Variants in BEND2 observed in about 807,000 individuals in gnomAD.
BEND2 encodes the protein BEN domain-containing protein 2.
Under a neutral mutation model 43.8 loss-of-function variants are expected in BEND2, and 19 were observed. The ratio of observed to expected loss-of-function variants is 0.43; its 90% CI spans 0.30 to 0.64. BEND2 has a LOEUF of 0.64. Ranked by LOEUF, BEND2 falls within the 30% of genes least tolerant of loss-of-function variation. The probability of loss-of-function intolerance (pLI) is 0.11; values close to 1 mark genes in which losing one functional copy is unlikely to be tolerated. For synonymous variants in BEND2, 226 were observed against 210.1 expected, an observed-to-expected ratio of 1.08 and a Z score of -0.66; for missense variants, 544 against 574.0, an observed-to-expected ratio of 0.95 and a Z score of 0.53.
intron 6 of BEND2, among the ~76,000 whole-genome samples, chrX:18,198,265 A>C (rs1433970020): frequency 9.1e-6 from 1 of 110,292 alleles, no homozygotes; most frequent in Non-Finnish European, 1.9e-5. Context: ...GTGAACAGGC[A>C]ACCTACAGAA....
intron 6 of BEND2, among the ~76,000 whole-genome samples, 199 bp downstream of exon 6, chrX:18,201,616 G>C (rs1042583582): frequency 1.9e-5 from 2 of 106,918 alleles, no homozygotes; most frequent in African/African-American, 6.8e-5. Context: ...CTCGGCCTCC[G>C]GAGTAGCTGG....
intron 5 of BEND2, among the ~76,000 whole-genome samples, chrX:18,202,637 A>G (rs1388225594): frequency 8.9e-6 from 1 of 112,108 alleles, no homozygotes; most frequent in Non-Finnish European, 1.9e-5. Flanking sequence ...GTGAGAAACT[A>G]CATTTCTGTT....
At chrX:18,165,360 C>T (rs1468403565) in intron 13 of BEND2, 137 bp from the exon 14 acceptor site, 1 of 495,853 alleles carries the variant, frequency 2.0e-6, no homozygotes, top group Non-Finnish European at 3.4e-6. Context: ...AGGCTATAAT[C>T]ATTATTAAAT....
intron 4 of BEND2, 87 bp from the exon 5 acceptor site, chrX:18,204,002 T>C: frequency 1.1e-6 from 1 of 916,642 alleles, no homozygotes; most frequent in Non-Finnish European, 1.5e-6. Flanking sequence ...CAATCAAAAC[T>C]TTTTTGTGTA....
At position 18,198,036 on chromosome X, in the gene BEND2, T is replaced by C. The variant is rs145730613; in HGVS notation, c.1034-2594A>G. On this transcript the variant is annotated intron_variant, in intron 6 of 13. Transcript: ENST00000380033. The stretch of plus-strand genomic sequence containing the variant: ...GAAACTGGATCCCTTCCTTACACCT[T>C]ATACAAAAATTAATTCAAGATGGCG... Among the ~76,000 whole-genome samples, 948 of 111,723 alleles carry C rather than the reference T, an allele frequency of 8.5e-3. 10 individuals carry two copies. The highest frequency in any genetic ancestry group is 0.028 in the African/African-American group (871 of 30,786).
chrX:18,201,537 G>C (rs1397026941), intron 6 of BEND2, among the ~76,000 whole-genome samples: 1 of 108,005 alleles, frequency 9.3e-6, no homozygotes, highest in Non-Finnish European at 1.9e-5. Flanking sequence ...TTGTTGCCCA[G>C]GCTGGAGTTA....
chrX:18,191,709 T>C (rs1461046975), intron 7 of BEND2, among the ~76,000 whole-genome samples: 1 of 111,634 alleles, frequency 9.0e-6, no homozygotes, highest in Non-Finnish European at 1.9e-5. Flanking sequence ...GAAGGAACCA[T>C]TTGGGGGCTT....
intron 6 of BEND2, among the ~76,000 whole-genome samples, chrX:18,197,880 C>T (rs1440745695): frequency 9.0e-6 from 1 of 111,021 alleles, no homozygotes; most frequent in African/African-American, 3.3e-5. Context: ...CCATGCTATT[C>T]TTGTGATAGT....
intron 7 of BEND2, among the ~76,000 whole-genome samples, chrX:18,193,090 G>T (rs1030968798): frequency 8.9e-6 from 1 of 112,188 alleles, no homozygotes; most frequent in Non-Finnish European, 1.9e-5. Context: ...GCCGAAGTGG[G>T]CAGATCACTT....
Position 18,212,180 on chromosome X carries a change from C to T in BEND2, c.492+385G>A, listed in dbSNP as rs186381451. On this transcript the variant is annotated intron_variant, in intron 4 of 13. Transcript: ENST00000380033. ...CGCAATCTCGGCTCACTGCAACCTC[C>T]GCCTCCGGGGTTCAAGCGATTCTCC... Among the ~76,000 whole-genome samples the T allele has an allele frequency of 4.1e-3, 436 of 106,081 alleles. 6 individuals are homozygous for T. Among genetic ancestry groups the T allele is most frequent in the African/African-American group, 0.014 (402 of 28,950 alleles). The allele number at this position is 106,081 out of a possible 115,157, so 92.1% of individuals were successfully genotyped here.
At chrX:18,218,090 G>A (rs943569748) in intron 1 of BEND2, among the ~76,000 whole-genome samples, 1 of 109,751 alleles carries the variant, frequency 9.1e-6, no homozygotes, top group African/African-American at 3.3e-5. Context: ...GCGACAAAAC[G>A]AGACCCTGTC....
chrX:18,171,557 T>TCAAACTTCCCC (rs1382089811), intron 12 of BEND2, among the ~76,000 whole-genome samples: 1 of 111,290 alleles, frequency 9.0e-6, no homozygotes, highest in Non-Finnish European at 1.9e-5. Flanking sequence ...TTCCCCAGGC[T>TCAAACTTCCCC]GGTCTCAAAC....
intron 10 of BEND2, 24 bp from the exon 11 acceptor site, chrX:18,176,117 C>T (rs372739069): frequency 1.5e-4 from 176 of 1,157,880 alleles, no homozygotes; most frequent in Admixed American, 4.7e-4. Flanking sequence ...AAAGTATTCA[C>T]GAAAATTAGA....
At chrX:18,182,650 T>C (rs1924424636) in intron 8 of BEND2, among the ~76,000 whole-genome samples, 1 of 111,092 alleles carries the variant, frequency 9.0e-6, no homozygotes, top group African/African-American at 3.3e-5. Context: ...TGTCTCAAAA[T>C]ACATAAAGCA....
At chrX:18,176,184 G>A in intron 10 of BEND2, 91 bp from the exon 11 acceptor site, 1 of 828,611 alleles carries the variant, frequency 1.2e-6, no homozygotes, top group East Asian at 3.5e-5. Context: ...ACTTTTAGAT[G>A]GTTACATTGT....
chrX:18,178,784 A>G (rs952487921), intron 9 of BEND2, among the ~76,000 whole-genome samples: 1 of 111,231 alleles, frequency 9.0e-6, no homozygotes, highest in African/African-American at 3.3e-5. Context: ...ATAAACTAGT[A>G]TTTAGGTTAG....
intron 4 of BEND2, among the ~76,000 whole-genome samples, chrX:18,209,734 G>A (rs1925449251): frequency 9.0e-6 from 1 of 111,075 alleles, no homozygotes; most frequent in African/African-American, 3.3e-5. Context: ...ACTAGAAGAG[G>A]CTAAGGAGAC....
At chrX:18,219,965 A>T (rs181719193) in intron 1 of BEND2, among the ~76,000 whole-genome samples, 1 of 111,204 alleles carries the variant, frequency 9.0e-6, no homozygotes, top group African/African-American at 3.3e-5. Context: ...AACAACAAAA[A>T]ACCTCTGTGA....
chrX:18,164,716 A>G lies in BEND2; in HGVS notation c.*293T>C, dbSNP rs1343817315. 4.7e-6 allele frequency: 1 copy of G among 213,206 alleles called. No individual in the cohort carries two copies. Among genetic ancestry groups the G allele is most frequent in the Non-Finnish European group, 8.3e-6 (1 of 119,864 alleles). The allele number at this position is 213,206 out of a possible 1,213,427, so 17.6% of individuals were successfully genotyped here. On this transcript the variant is annotated 3_prime_UTR_variant, in exon 14 of 14. Coordinates refer to ENST00000380033, the MANE Select transcript of BEND2 (RefSeq NM_153346.5). Reference sequence around the variant, plus strand: ...TCTTTCTCTACCTTATCAAAAAAACAAAGTATATTAATGTCAATTATCTAA... The same window carrying G: ...TCTTTCTCTACCTTATCAAAAAAACGAAGTATATTAATGTCAATTATCTAA...
Sources: gnomAD v4.1 joint callset for allele counts (sites outside exome capture counted in the v4.1 genomes callset) on GRCh38, gnomAD v4.1.1 for gene constraint, MANE v1.5 for transcripts, NCBI Gene and HGNC (gene_info 2026-07-23, HGNC 2026-07-21) for gene names.